SNX29: variants seen among roughly 807,000 people sequenced by gnomAD.
The protein encoded by SNX29 is sorting nexin 29.
Under a neutral mutation model 102.1 loss-of-function variants are expected in SNX29, and 78 were observed. The ratio of observed to expected loss-of-function variants is 0.76; its 90% CI spans 0.64 to 0.92. SNX29 has a LOEUF of 0.92. Ranked by LOEUF, SNX29 falls within the 40% of genes least tolerant of loss-of-function variation. The pLI, the probability that SNX29 is intolerant of heterozygous loss-of-function variation, is 0.00. For synonymous variants in SNX29, 580 were observed against 414.5 expected, an observed-to-expected ratio of 1.40 and a Z score of -4.85; for missense variants, 1,280 against 1,061.7, an observed-to-expected ratio of 1.21 and a Z score of -2.86.
intron 20 of SNX29, among the ~76,000 whole-genome samples, chr16:12,560,411 G>T (rs912450692): frequency 6.6e-6 from 1 of 152,172 alleles, no homozygotes; most frequent in African/African-American, 2.4e-5. Context: ...AAAAGCCACA[G>T]TGTCTGTCCT....
In SNX29 at chr16:12,097,519, G is replaced by A. The variant is rs530697686; in HGVS notation, c.1402+18604G>A. On this transcript the variant is annotated intron_variant, in intron 11 of 20. Coordinates refer to ENST00000566228, the MANE Select transcript of SNX29 (RefSeq NM_032167.5). ...CACAAGGTCTCAGTATCATTTCTGT[G>A]CTCTTGGTTTGGGCCACACATGATT... 2.0e-5 allele frequency among the ~76,000 whole-genome samples: 3 copies of A among 150,468 alleles called. No individual in the cohort carries two copies. In the East Asian group the frequency reaches 6.0e-4, roughly 30 times the overall value.
At chr16:12,002,480 A>G (rs1197874274) in intron 2 of SNX29, among the ~76,000 whole-genome samples, 2 of 150,200 alleles carry the variant, frequency 1.3e-5, no homozygotes, top group Admixed American at 6.6e-5. Flanking sequence ...GCCTGCTTCT[A>G]TTTTTCCCAC....
intron 19 of SNX29, among the ~76,000 whole-genome samples, chr16:12,506,611 G>A (rs552710109): frequency 6.6e-6 from 1 of 152,190 alleles, no homozygotes; most frequent in South Asian, 2.1e-4. Context: ...AGAAAGAAAA[G>A]AAAGATGAAA....
chr16:12,083,019 C>G (rs2051985957), intron 11 of SNX29, among the ~76,000 whole-genome samples: 1 of 152,028 alleles, frequency 6.6e-6, no homozygotes, highest in Non-Finnish European at 1.5e-5. Context: ...AACTTATTTT[C>G]TCGGCCGGGC....
At chr16:12,360,326 T>C (rs577132052) in intron 16 of SNX29, among the ~76,000 whole-genome samples, 2 of 152,344 alleles carry the variant, frequency 1.3e-5, no homozygotes, top group Admixed American at 1.3e-4. Flanking sequence ...TTTTTTCCCT[T>C]GTCTTTTTTG....
rs545624624 is a variant in SNX29, at chr16:12,155,008, C to T, written c.1595+25250C>T. On this transcript the variant is annotated intron_variant, in intron 13 of 20. Transcript: ENST00000566228. ...GAGACCACAGTAGCAAGCATTTAGG[C>T]ATGAAGAATGTCACGGGAACAAGGC... is the stretch of plus-strand genomic sequence containing the variant. Among the ~76,000 whole-genome samples, 8 of 152,298 alleles carry T rather than the reference C, an allele frequency of 5.3e-5. No individual in the cohort carries two copies. In the South Asian group the frequency reaches 1.7e-3, roughly 32 times the overall value.
chr16:12,539,577 G>A (rs1486469610), intron 20 of SNX29, among the ~76,000 whole-genome samples: 1 of 152,198 alleles, frequency 6.6e-6, no homozygotes, highest in Admixed American at 6.5e-5. Context: ...GTGAACAAAA[G>A]TTTTCATTTC....
intron 14 of SNX29, among the ~76,000 whole-genome samples, chr16:12,252,831 A>G (rs954587959): frequency 6.6e-6 from 1 of 152,212 alleles, no homozygotes; most frequent in African/African-American, 2.4e-5. Context: ...TCCAAGCAGC[A>G]CGGTGCCCAC....
At chr16:12,459,958 G>A (rs1029453566) in intron 18 of SNX29, among the ~76,000 whole-genome samples, 1 of 152,216 alleles carries the variant, frequency 6.6e-6, no homozygotes, top group East Asian at 1.9e-4. Flanking sequence ...TTCCTCTCCA[G>A]AAGAGAAGTG....
intron 14 of SNX29, among the ~76,000 whole-genome samples, chr16:12,213,875 C>T (rs1166908361): frequency 2.6e-5 from 4 of 152,264 alleles, no homozygotes; most frequent in East Asian, 3.9e-4. Context: ...AAGGAAGGAG[C>T]GATGAATACT....
At chr16:12,442,565 A>G (rs989558336) in intron 18 of SNX29, among the ~76,000 whole-genome samples, 4 of 151,834 alleles carry the variant, frequency 2.6e-5, no homozygotes, top group Non-Finnish European at 5.9e-5. Flanking sequence ...TATGTAATGA[A>G]TGGATGTGAC....
chr16:12,374,706 G>A, intron 16 of SNX29: 1 of 152,210 alleles, frequency 6.6e-6, no homozygotes. Context: ...TGCGGCTGCA[G>A]TAGACTCCGC....
chr16:12,544,394 G>A (rs1480127051), intron 20 of SNX29, among the ~76,000 whole-genome samples: 1 of 152,196 alleles, frequency 6.6e-6, no homozygotes, highest in Non-Finnish European at 1.5e-5. Flanking sequence ...TTGTGAGGTG[G>A]TTCTGCTAAA....
At chr16:12,343,168 T>G (rs2081666356) in intron 15 of SNX29, among the ~76,000 whole-genome samples, 1 of 152,220 alleles carries the variant, frequency 6.6e-6, no homozygotes, top group Non-Finnish European at 1.5e-5. Flanking sequence ...CTCCACTGAT[T>G]TCTCAAGACA....
intron 20 of SNX29, among the ~76,000 whole-genome samples, chr16:12,530,036 C>T (rs2076889689): frequency 6.6e-6 from 1 of 152,084 alleles, no homozygotes; most frequent in South Asian, 2.1e-4. Flanking sequence ...ATGTGACTTT[C>T]CATGGGCAAG....
chr16:12,496,621 C>T (rs1365682325), intron 19 of SNX29, among the ~76,000 whole-genome samples: 2 of 150,502 alleles, frequency 1.3e-5, no homozygotes, highest in Non-Finnish European at 2.9e-5. Flanking sequence ...AACAGTTCTC[C>T]TGCGTCAGCC....
intron 3 of SNX29, among the ~76,000 whole-genome samples, chr16:12,013,500 A>AAAAAAAATAGATATATATAT: frequency 3.2e-5 from 1 of 31,634 alleles, no homozygotes; most frequent in Non-Finnish European, 6.1e-5. Context: ...AAAAAAAAAA[A>AAAAAAAATAGATATATATAT]ATATATATAT....
chr16:12,477,834 C>G lies in SNX29; in HGVS notation c.2153C>G (p.Pro718Arg). The stretch of plus-strand genomic sequence containing the variant: ...CCTCAAGTGAGGGCCTACAACTTCC[C>G]ACCCAAAAAGGCCATTGGAAACAAG... ...KYPQVRAYNFPPKKAIGNKDA... is the reference protein window; with the variant it reads ...KYPQVRAYNFRPKKAIGNKDA... The change falls in exon 19 of 21, where the codon CCA (proline) becomes CGA (arginine). Residue 718 changes from proline to arginine, a missense_variant. Coordinates refer to ENST00000566228, the MANE Select transcript of SNX29 (RefSeq NM_032167.5). The G allele has an allele frequency of 1.2e-6, 2 of 1,609,238 alleles. No individual in the cohort carries two copies. Among genetic ancestry groups the G allele is most frequent in the Non-Finnish European group, 1.7e-6 (2 of 1,178,474 alleles).
At chr16:12,215,742 TG>T (rs2077307444) in intron 14 of SNX29, among the ~76,000 whole-genome samples, 1 of 152,246 alleles carries the variant, frequency 6.6e-6, no homozygotes, top group African/African-American at 2.4e-5. Flanking sequence ...CCTTTGTTTC[TG>T]ATTTTGTCCT....
Sources: allele counts gnomAD v4.1 joint callset (sites outside exome capture counted in the v4.1 genomes callset), GRCh38; gene constraint gnomAD v4.1.1; transcripts MANE v1.5; gene names NCBI Gene and HGNC (gene_info 2026-07-23, HGNC 2026-07-21).